Variants in ARHGEF9 observed in about 807,000 individuals in gnomAD.
ARHGEF9 encodes Cdc42 guanine nucleotide exchange factor 9, also known as rho guanine nucleotide exchange factor 9.
ARHGEF9 carries 2 observed loss-of-function variants against 41.3 expected under a neutral mutation model. The observed-to-expected ratio is 0.05, with a 90% CI of 0.02 to 0.15. The LOEUF (loss-of-function observed/expected upper bound fraction) is 0.15. Among genes scored for constraint, ARHGEF9 ranks in the 10% least tolerant of loss-of-function variants. ARHGEF9 has a pLI of 1.00. For missense variants in ARHGEF9, 225 were observed against 424.7 expected, an observed-to-expected ratio of 0.53 and a Z score of 4.13; for synonymous variants, 160 against 154.4, an observed-to-expected ratio of 1.04 and a Z score of -0.27.
At chrX:63,676,953 T>C (rs1258201470) in intron 5 of ARHGEF9, among the ~76,000 whole-genome samples, 2 of 112,335 alleles carry the variant, frequency 1.8e-5, no homozygotes, top group Non-Finnish European at 3.8e-5. Flanking sequence ...TGGGCAGTCC[T>C]GGCATGACAA....
intron 4 of ARHGEF9, among the ~76,000 whole-genome samples, chrX:63,680,866 AAACAAC>A (rs781835684): frequency 1.4e-4 from 16 of 110,428 alleles, no homozygotes; most frequent in Admixed American, 2.9e-4. Context: ...ACAAACAAAC[AAACAAC>A]AACAACAACA....
intron 4 of ARHGEF9, among the ~76,000 whole-genome samples, chrX:63,686,852 G>A (rs1371849486): frequency 4.5e-5 from 5 of 110,637 alleles, no homozygotes; most frequent in African/African-American, 1.6e-4. Flanking sequence ...AGGTAAAATA[G>A]CTCCTTCCCC....
intron 1 of ARHGEF9, among the ~76,000 whole-genome samples, chrX:63,778,144 T>C (rs2056323308): frequency 8.9e-6 from 1 of 112,607 alleles, no homozygotes; most frequent in Non-Finnish European, 1.9e-5. Context: ...GGCATTTCCA[T>C]ACATCCTCTG....
intron 1 of ARHGEF9, among the ~76,000 whole-genome samples, chrX:63,774,049 CTATCTAT>C (rs2056248433): frequency 3.9e-5 from 1 of 25,320 alleles, no homozygotes; most frequent in African/African-American, 2.6e-4. Context: ...ATTATAATAT[CTATCTAT>C]CTATCTATCT....
At chrX:63,694,249 C>T (rs1199268522) in intron 4 of ARHGEF9, among the ~76,000 whole-genome samples, 1 of 110,851 alleles carries the variant, frequency 9.0e-6, no homozygotes, top group East Asian at 2.8e-4. Context: ...TCAACTCTTA[C>T]GTATTAGTAG....
intron 8 of ARHGEF9, among the ~76,000 whole-genome samples, chrX:63,647,413 G>C (rs59448301): frequency 0.075 from 8,386 of 111,215 alleles, 624 homozygotes; most frequent in African/African-American, 0.23. Flanking sequence ...CCATCAGTAT[G>C]TAATTTATTG....
chrX:63,715,786 A>G (rs2053250317), intron 2 of ARHGEF9, among the ~76,000 whole-genome samples: 1 of 112,097 alleles, frequency 8.9e-6, no homozygotes, highest in Admixed American at 9.5e-5. Context: ...ACCTGCTAAC[A>G]TTTGTACAAA....
At chrX:63,648,052 C>T (rs1303614321) in intron 8 of ARHGEF9, among the ~76,000 whole-genome samples, 7 of 111,204 alleles carry the variant, frequency 6.3e-5, no homozygotes, top group African/African-American at 2.3e-4. Flanking sequence ...GAGAACTTCC[C>T]CAATCTAGCA....
At chrX:63,734,721 T>C (rs2054513288) in intron 1 of ARHGEF9, among the ~76,000 whole-genome samples, 1 of 111,384 alleles carries the variant, frequency 9.0e-6, no homozygotes, top group South Asian at 3.8e-4. Context: ...TGAGAGACTA[T>C]TTGCTTCTGC....
At chrX:63,761,622 G>T (rs1480475284) in intron 1 of ARHGEF9, among the ~76,000 whole-genome samples, 1 of 111,062 alleles carries the variant, frequency 9.0e-6, no homozygotes, top group Non-Finnish European at 1.9e-5. Context: ...CCTCCAAAAG[G>T]TACTATAAAG....
chrX:63,753,542 G>GTTTTT (rs1569504082), intron 1 of ARHGEF9, among the ~76,000 whole-genome samples: 1 of 105,125 alleles, frequency 9.5e-6, no homozygotes. Flanking sequence ...TTTCTTGTGG[G>GTTTTT]GTTTTTTTTT....
intron 1 of ARHGEF9, among the ~76,000 whole-genome samples, chrX:63,776,008 C>T (rs1358669114): frequency 1.8e-5 from 2 of 111,189 alleles, no homozygotes; most frequent in East Asian, 2.8e-4. Context: ...TTCCCCCCTA[C>T]TCAATACTAA....
In ARHGEF9 at chrX:63,637,918, C is replaced by CTGTGTG; in HGVS notation, c.*104_*109dup. ...TGTGTGTATGTGTACTCAAGGGTCT[C>CTGTGTG]TGTGTGTGTGTGTGTGTATAAATTT... On this transcript the variant is annotated 3_prime_UTR_variant, in exon 10 of 10. Coordinates refer to ENST00000671741, the MANE Select transcript of ARHGEF9 (RefSeq NM_001353921.2). 1 of 542,322 alleles carries CTGTGTG rather than the reference C, an allele frequency of 1.8e-6. No individual in the cohort carries two copies. Among genetic ancestry groups the CTGTGTG allele is most frequent in the Non-Finnish European group, 2.8e-6 (1 of 352,982 alleles). 44.7% of individuals were successfully genotyped at this position (542,322 alleles called of 1,213,427 possible).
intron 1 of ARHGEF9, among the ~76,000 whole-genome samples, chrX:63,779,875 A>G (rs1180873005): frequency 8.1e-5 from 9 of 111,483 alleles, no homozygotes; most frequent in Non-Finnish European, 1.9e-5. Context: ...CTTCCTCTGT[A>G]TTAGAAACCC....
intron 9 of ARHGEF9, 25 bp downstream of exon 9, chrX:63,643,955 C>T (rs1434779238): frequency 8.4e-7 from 1 of 1,196,162 alleles, no homozygotes; most frequent in African/African-American, 1.8e-5. Context: ...TAGTCTTTCA[C>T]AGAGACTGAG....
intron 1 of ARHGEF9, chrX:63,743,364 C>T (rs2055079509): frequency 8.9e-6 from 1 of 112,721 alleles, no homozygotes; most frequent in Non-Finnish European, 1.9e-5. Flanking sequence ...AGATGCAGTA[C>T]TGACCTGAGT....
chrX:63,658,354 A>T (rs1370154348), intron 7 of ARHGEF9, among the ~76,000 whole-genome samples: 1 of 111,875 alleles, frequency 8.9e-6, no homozygotes, highest in Non-Finnish European at 1.9e-5. Context: ...TAGTTGAGGA[A>T]CTCCAATCAG....
At chrX:63,677,615 G>A (rs781954993) in intron 5 of ARHGEF9, among the ~76,000 whole-genome samples, 13 of 111,274 alleles carry the variant, frequency 1.2e-4, no homozygotes, top group South Asian at 3.9e-4. Flanking sequence ...AATTGATGTC[G>A]CCTGACACTG....
intron 2 of ARHGEF9, among the ~76,000 whole-genome samples, chrX:63,719,301 G>A (rs1475801498): frequency 8.9e-6 from 1 of 112,179 alleles, no homozygotes; most frequent in Non-Finnish European, 1.9e-5. Context: ...ACAAGGGTTG[G>A]TATAGTGAAA....
Sources: allele counts gnomAD v4.1 joint callset (sites outside exome capture counted in the v4.1 genomes callset), GRCh38; gene constraint gnomAD v4.1.1; transcripts MANE v1.5; gene names NCBI Gene and HGNC (gene_info 2026-07-23, HGNC 2026-07-21).